Variants in SGSM1 observed in about 807,000 individuals in gnomAD.
The protein encoded by SGSM1 is small G protein signaling modulator 1.
SGSM1 carries 73 observed loss-of-function variants against 133.8 expected under a neutral mutation model. The observed-to-expected ratio is 0.55, with a 90% CI of 0.45 to 0.66. The LOEUF (loss-of-function observed/expected upper bound fraction) is 0.66, where lower values mean the gene tolerates loss of function less well. SGSM1 is among the 30% of genes least tolerant of loss of function. The pLI is 0.00. For synonymous variants in SGSM1, 563 were observed against 573.0 expected, an observed-to-expected ratio of 0.98 and a Z score of 0.25; for missense variants, 1,213 against 1,448.1, an observed-to-expected ratio of 0.84 and a Z score of 2.64.
chr22:24,871,372 A>G (rs963902423), intron 12 of SGSM1, among the ~76,000 whole-genome samples: 1 of 152,184 alleles, frequency 6.6e-6, no homozygotes, highest in Non-Finnish European at 1.5e-5. Flanking sequence ...CACCAGCAGC[A>G]TATTCTGAGG....
At chr22:24,872,850 C>A (rs950259658) in intron 12 of SGSM1, among the ~76,000 whole-genome samples, 1 of 151,440 alleles carries the variant, frequency 6.6e-6, no homozygotes, top group Non-Finnish European at 1.5e-5. Context: ...ACCCGGGAAG[C>A]GGAGGTTTTG....
intron 8 of SGSM1, among the ~76,000 whole-genome samples, chr22:24,858,303 A>G (rs2147857742): frequency 6.6e-6 from 1 of 152,182 alleles, no homozygotes; most frequent in Non-Finnish European, 1.5e-5. Context: ...AAGTCCTGTA[A>G]AGTATTTGGT....
At chr22:24,916,374 T>C (rs1354488587) in intron 22 of SGSM1, among the ~76,000 whole-genome samples, 3 of 152,148 alleles carry the variant, frequency 2.0e-5, no homozygotes, top group African/African-American at 7.2e-5. Context: ...ATCCTGTATG[T>C]ATGATGCATT....
chr22:24,910,522 C>G (rs1050247006), intron 21 of SGSM1, among the ~76,000 whole-genome samples: 6 of 152,134 alleles, frequency 3.9e-5, no homozygotes, highest in Admixed American at 6.6e-5. Flanking sequence ...TGGTGCACAC[C>G]TGCAGTCCCA....
chr22:24,854,832 T>C (rs886211240), intron 5 of SGSM1, among the ~76,000 whole-genome samples, 164 bp from the exon 6 acceptor site: 2 of 152,024 alleles, frequency 1.3e-5, no homozygotes, highest in Middle Eastern at 3.4e-3. Context: ...AAGAAATCCT[T>C]TTTTCAGCCC....
Position 24,868,519 on chromosome 22 carries a change from C to G in SGSM1, c.1138C>G (p.Leu380Val). The change falls in exon 11 of 25, where the codon CTG becomes GTG. Residue 380 changes from leucine to valine, a missense_variant. Leu to Val is a conservative substitution (Grantham distance 32). Transcript: ENST00000400358. ...LLPHGQLDPP[L>V]WSQRGKGKVF... ...CCCACATGGGCAGTTGGACCCGCCA[C>G]TGTGGTCCCAGAGGGGTAAGGTGAG... is the stretch of plus-strand genomic sequence containing the variant. 1 of 1,613,932 alleles carries G rather than the reference C, an allele frequency of 6.2e-7. No individual in the cohort carries two copies. Among genetic ancestry groups the G allele is most frequent in the South Asian group, 1.1e-5 (1 of 91,080 alleles).
At chr22:24,903,166 A>G (rs1420864569) in intron 20 of SGSM1, among the ~76,000 whole-genome samples, 1 of 152,118 alleles carries the variant, frequency 6.6e-6, no homozygotes, top group African/African-American at 2.4e-5. Flanking sequence ...CAATTTAGTA[A>G]TATCTAATTG....
chr22:24,832,388 T>C (rs1601901778), intron 2 of SGSM1, among the ~76,000 whole-genome samples: 1 of 152,312 alleles, frequency 6.6e-6, no homozygotes, highest in East Asian at 1.9e-4. Flanking sequence ...GGCTGAAGCT[T>C]CTAGAGGTGC....
chr22:24,834,746 C>T lies in SGSM1; in HGVS notation c.64-10151C>T, dbSNP rs143891790. On this transcript the variant is annotated intron_variant, in intron 2 of 24. Coordinates refer to ENST00000400358, the MANE Select transcript of SGSM1 (RefSeq NM_001098497.3). ...TCACATGATCTTCACTTTGTATATA[C>T]GTCTAAATTTCCTTTTTTTTTTTTT... 7.1e-3 allele frequency among the ~76,000 whole-genome samples: 966 copies of T among 136,640 alleles called. 17 individuals are homozygous for T. Among genetic ancestry groups the T allele is most frequent in the African/African-American group, 0.024 (864 of 35,610 alleles). The allele number at this position is 136,640 out of a possible 152,430, so 89.6% of individuals were successfully genotyped here.
At chr22:24,905,265 G>A (rs763719759) in intron 21 of SGSM1, 78 bp downstream of exon 21, 4 of 1,388,482 alleles carry the variant, frequency 2.9e-6, no homozygotes, top group Non-Finnish European at 4.1e-6. Context: ...ATCTCACTTT[G>A]TGACTCTGTA....
intron 14 of SGSM1, among the ~76,000 whole-genome samples, chr22:24,883,825 G>A (rs1046567517): frequency 1.3e-5 from 2 of 152,154 alleles, no homozygotes; most frequent in Non-Finnish European, 1.5e-5. Flanking sequence ...ACGTGCTGGC[G>A]CGTGCCTCTG....
chr22:24,820,755 C>T (rs772214073), intron 2 of SGSM1, among the ~76,000 whole-genome samples: 9 of 152,182 alleles, frequency 5.9e-5, no homozygotes, highest in Non-Finnish European at 1.0e-4. Context: ...ATTTGCTGAG[C>T]GCCTACTGTG....
At chr22:24,819,493 G>A (rs1928342478) in intron 2 of SGSM1, among the ~76,000 whole-genome samples, 1 of 152,160 alleles carries the variant, frequency 6.6e-6, no homozygotes, top group South Asian at 2.1e-4. Flanking sequence ...AGCATCAGAG[G>A]GAACAGATGA....
Position 24,855,002 on chromosome 22 carries a change from C to T in SGSM1, c.462C>T (p.Tyr154=). 6.2e-7 allele frequency: 1 copy of T among 1,613,232 alleles called. No homozygotes were observed. The highest frequency in any genetic ancestry group is 8.5e-7 in the Non-Finnish European group (1 of 1,179,602). ...TATTCTCTCCTCTTGCTAGTAAATA[C>T]TATGAGAAGGAAGCTCTCCTGATGG... The part of the protein sequence containing the change: ...VHYLVENSSK[Y]YEKEALLMDP... Residue 154 remains tyrosine (Y), a synonymous_variant, in exon 6 of 25, where the codon TAC becomes TAT. Coordinates refer to ENST00000400358, the MANE Select transcript of SGSM1 (RefSeq NM_001098497.3).
At chr22:24,832,659 T>A (rs553471624) in intron 2 of SGSM1, among the ~76,000 whole-genome samples, 1 of 152,248 alleles carries the variant, frequency 6.6e-6, no homozygotes, top group Non-Finnish European at 1.5e-5. Context: ...ATGAAGATGA[T>A]GAGGATGATG....
chr22:24,876,771 T>C (rs1167909028), intron 13 of SGSM1, 56 bp downstream of exon 13: 3 of 1,607,622 alleles, frequency 1.9e-6, no homozygotes, highest in Non-Finnish European at 1.7e-6. Flanking sequence ...CAGAGATCTG[T>C]AGATGCCCAT....
intron 21 of SGSM1, among the ~76,000 whole-genome samples, chr22:24,908,953 T>C (rs531152551): frequency 6.6e-6 from 1 of 152,338 alleles, no homozygotes; most frequent in South Asian, 2.1e-4. Context: ...CCCCAAGCCC[T>C]GTGCCACAGA....
intron 2 of SGSM1, among the ~76,000 whole-genome samples, chr22:24,837,590 C>CCGG (rs56789530): frequency 2.9e-5 from 4 of 137,008 alleles, no homozygotes; most frequent in African/African-American, 1.2e-4. Flanking sequence ...CCCCCCCCCC[C>CCGG]CTTTCCCAGT....
chr22:24,880,228 G>T (rs1183179316), intron 14 of SGSM1, among the ~76,000 whole-genome samples: 2 of 151,874 alleles, frequency 1.3e-5, no homozygotes, highest in African/African-American at 4.8e-5. Flanking sequence ...TCCACCTCCT[G>T]GGTTCACGCC....
Sources: allele counts gnomAD v4.1 joint callset (sites outside exome capture counted in the v4.1 genomes callset), GRCh38; gene constraint gnomAD v4.1.1; transcripts MANE v1.5; gene names NCBI Gene and HGNC (gene_info 2026-07-23, HGNC 2026-07-21).